The following ZNF512 variants were observed in gnomAD, a reference collection of about 807,000 sequenced individuals.
ZNF512 encodes zinc finger protein 512.
A neutral mutation model predicts 77.5 loss-of-function variants in ZNF512; 25 were observed. The observed-to-expected ratio is 0.32, with a 90% CI of 0.23 to 0.45. The LOEUF (loss-of-function observed/expected upper bound fraction) is 0.45, where lower values mean the gene tolerates loss of function less well. Ranked by LOEUF, ZNF512 falls within the 20% of genes least tolerant of loss-of-function variation. The pLI is 1.00. For synonymous variants in ZNF512, 246 were observed against 239.9 expected, an observed-to-expected ratio of 1.03 and a Z score of -0.24; for missense variants, 483 against 692.6, an observed-to-expected ratio of 0.70 and a Z score of 3.40.
intron 9 of ZNF512, among the ~76,000 whole-genome samples, chr2:27,603,590 A>ATTT (rs757868678): frequency 2.9e-4 from 25 of 85,650 alleles, no homozygotes; most frequent in African/African-American, 9.6e-4. Context: ...GTGTGTGTAT[A>ATTT]TTTTTTTTTT....
intron 2 of ZNF512, among the ~76,000 whole-genome samples, chr2:27,592,694 T>G (rs1403673777): frequency 0.013 from 1,397 of 110,378 alleles, 36 homozygotes; most frequent in African/African-American, 0.044. Context: ...TTTTTTTTTT[T>G]TTTGTTTGAG....
rs202151646 is a variant in ZNF512 at position 27,610,377 on chromosome 2, AT to A, written c.1131+2339del. ...AGACTCCGTATCAAAAAAAAAAAAAATAAATAAATAAATATTTGTTAACTCA... is the reference window on the plus strand; with the variant it reads ...AGACTCCGTATCAAAAAAAAAAAAAAAAATAAATAAATATTTGTTAACTCA... On this transcript the variant is annotated intron_variant, in intron 10 of 13. Transcript: ENST00000355467. Among the ~76,000 whole-genome samples, 165 of 137,402 alleles carry A rather than the reference AT, an allele frequency of 1.2e-3. 3 individuals are homozygous for A. In the South Asian group the frequency reaches 0.013, roughly 11 times the overall value. 90.1% of individuals were successfully genotyped at this position (137,402 alleles called of 152,430 possible).
chr2:27,600,489 G>A (rs541797710), intron 5 of ZNF512, among the ~76,000 whole-genome samples: 5 of 152,266 alleles, frequency 3.3e-5, no homozygotes, highest in South Asian at 2.1e-4. Flanking sequence ...TTATCATGGC[G>A]AAATGAGTAG....
intron 2 of ZNF512, among the ~76,000 whole-genome samples, chr2:27,589,548 C>G (rs1671482371): frequency 6.6e-6 from 1 of 152,026 alleles, no homozygotes; most frequent in Admixed American, 6.6e-5. Flanking sequence ...AACCACATTT[C>G]CCCTATTGTC....
At chr2:27,610,569 T>TATATACATA (rs70953871) in intron 10 of ZNF512, among the ~76,000 whole-genome samples, 8 of 15,812 alleles carry the variant, frequency 5.1e-4, no homozygotes, top group African/African-American at 2.1e-3. Flanking sequence ...TATATATATA[T>TATATACATA]TTTTTTTTTT....
chr2:27,603,573 A>AGTGTGTGTGTGTGTGT lies in ZNF512; in HGVS notation c.936+280_936+281insGTGTGTGTGTGTGTGT, dbSNP rs11273312. 9.1e-3 allele frequency among the ~76,000 whole-genome samples: 1,209 copies of AGTGTGTGTGTGTGTGT among 133,140 alleles called. 39 individuals carry two copies. The highest frequency in any genetic ancestry group is 0.035 in the African/African-American group (1,131 of 32,386). 87.3% of individuals were successfully genotyped at this position (133,140 alleles called of 152,430 possible). A position where few individuals can be genotyped will look rare whatever the true frequency, so the allele number is the denominator to read the frequency against. ...TTTTATATCTTATATATTTTTATAT[A>AGTGTGTGTGTGTGTGT]GTGTGTGTGTGTGTATATTTTTTTT... On this transcript the variant is annotated intron_variant, in intron 9 of 13. Coordinates refer to ENST00000355467, the MANE Select transcript of ZNF512 (RefSeq NM_032434.4).
At chr2:27,609,108 C>T (rs62138970) in intron 10 of ZNF512, among the ~76,000 whole-genome samples, 1 of 144,274 alleles carries the variant, frequency 6.9e-6, no homozygotes, top group African/African-American at 2.6e-5. Flanking sequence ...GACTCTGTCT[C>T]CAAAAAAAAA....
intron 2 of ZNF512, among the ~76,000 whole-genome samples, chr2:27,593,060 T>C (rs1214305923): frequency 6.6e-6 from 1 of 151,670 alleles, no homozygotes; most frequent in East Asian, 1.9e-4. Flanking sequence ...GGCTGAATAG[T>C]TTCGTTAAGA....
Position 27,621,245 on chromosome 2 carries a change from G to A in ZNF512, c.1488G>A (p.Gln496=), listed in dbSNP as rs1242108167. 1 of 1,614,218 alleles carries A rather than the reference G, an allele frequency of 6.2e-7. No homozygotes were observed. Among genetic ancestry groups the A allele is most frequent in the Admixed American group, 1.7e-5 (1 of 60,032 alleles). The part of the protein sequence containing the change: ...QRQQEEEKRR[Q]QHRSRRSLRR... ...AGCAAGAAGAAGAAAAGCGGAGGCA[G>A]CAGCACAGGAGCAGAAGGTCTCTAA... The change falls in exon 14 of 14, where the codon CAG becomes CAA. Residue 496 remains glutamine (Q), a synonymous_variant. Coordinates refer to ENST00000355467, the MANE Select transcript of ZNF512 (RefSeq NM_032434.4).
intron 10 of ZNF512, 147 bp from the exon 11 acceptor site, chr2:27,615,021 T>G: frequency 1.9e-6 from 1 of 512,838 alleles, no homozygotes; most frequent in Non-Finnish European, 3.4e-6. Context: ...TTCAGGTACT[T>G]TATAGGGTCT....
Position 27,607,891 on chromosome 2 carries a change from T to C in ZNF512, c.983T>C (p.Met328Thr), listed in dbSNP as rs751234506. ...ESGQPECLKEMNLESKSGGRV... is the reference protein window; with the variant it reads ...ESGQPECLKETNLESKSGGRV... ...GGACAGCCAGAGTGCTTAAAGGAGA[T>C]GAACCTAGAGTCAAAGAGTGGGGGC... Residue 328 changes from methionine to threonine, a missense_variant, in exon 10 of 14, where the codon ATG (methionine) becomes ACG (threonine). Coordinates refer to ENST00000355467, the MANE Select transcript of ZNF512 (RefSeq NM_032434.4). 47 of 1,614,030 alleles carry C rather than the reference T, an allele frequency of 2.9e-5. No individual in the cohort carries two copies. Among genetic ancestry groups the C allele is most frequent in the South Asian group, 2.5e-4 (23 of 91,088 alleles).
Position 27,621,267 on chromosome 2 carries a change from C to G in ZNF512, c.1510C>G (p.Leu504Val). 6.2e-7 allele frequency: 1 copy of G among 1,614,172 alleles called. No homozygotes were observed. The highest frequency in any genetic ancestry group is 8.5e-7 in the Non-Finnish European group (1 of 1,180,032). Residue 504 changes from leucine (L) to valine (V), a missense_variant, in exon 14 of 14, where the codon CTA (leucine) becomes GTA (valine). Physicochemically the swap from Leu to Val is conservative, Grantham distance 32 (BLOSUM62 1). This residue lies in a region of ZNF512 where 324 missense variants were observed against 525.0 expected (regional missense o/e 0.62). Transcript: ENST00000355467. ...GCAGCAGCACAGGAGCAGAAGGTCT[C>G]TAAGAAGGCGGCAGCAGCCTGGCAT... ...RRQQHRSRRSLRRRQQPGIEL... is the reference protein window; with the variant it reads ...RRQQHRSRRSVRRRQQPGIEL...
chr2:27,597,099 C>G (rs1327055297), intron 2 of ZNF512, among the ~76,000 whole-genome samples: 1 of 152,196 alleles, frequency 6.6e-6, no homozygotes, highest in Non-Finnish European at 1.5e-5. Flanking sequence ...TAGTAGGCAT[C>G]TATCACATTT....
intron 2 of ZNF512, among the ~76,000 whole-genome samples, chr2:27,583,968 C>A (rs1010072502): frequency 7.9e-5 from 12 of 152,158 alleles, no homozygotes; most frequent in African/African-American, 2.7e-4. Context: ...AGTGGAACTT[C>A]TTGTGACGAA....
chr2:27,597,521 T>C (rs1671926628), intron 2 of ZNF512, among the ~76,000 whole-genome samples: 1 of 152,234 alleles, frequency 6.6e-6, no homozygotes, highest in Admixed American at 6.5e-5. Context: ...CTGGCCAGGT[T>C]AATTCATGCA....
Position 27,598,264 on chromosome 2 carries a change from T to C in ZNF512, c.277+10T>C, listed in dbSNP as rs761010722. 6.2e-7 allele frequency: 1 copy of C among 1,608,480 alleles called. No homozygotes were observed. The highest frequency in any genetic ancestry group is 1.1e-5 in the South Asian group (1 of 91,044). ...ACTTCTCATGTCGAAGGTATCAATA[T>C]CAGTGTCTTATTCTGAAGACGGGCC... On this transcript the variant is annotated intron_variant, in intron 3 of 13. Coordinates refer to ENST00000355467, the MANE Select transcript of ZNF512 (RefSeq NM_032434.4).
At position 27,596,456 on chromosome 2, in the gene ZNF512, G is replaced by A. The variant is rs7561459; in HGVS notation, c.90-1611G>A. Among the ~76,000 whole-genome samples, 1,490 of 152,132 alleles carry A rather than the reference G, an allele frequency of 9.8e-3. 26 individuals are homozygous for A. Among genetic ancestry groups the A allele is most frequent in the African/African-American group, 0.033 (1,375 of 41,492 alleles). On this transcript the variant is annotated intron_variant, in intron 2 of 13. Transcript: ENST00000355467. ...CCAGTCCCCCAACTCTGGTCCACAG[G>A]GACCTTTTTTCCTGATTTACCTGGT...
intron 5 of ZNF512, 39 bp downstream of exon 5, chr2:27,600,092 C>T: frequency 6.3e-7 from 1 of 1,596,364 alleles, no homozygotes; most frequent in Non-Finnish European, 8.6e-7. Context: ...ATGTAGTTCT[C>T]ACACTCTGAT....
intron 2 of ZNF512, among the ~76,000 whole-genome samples, chr2:27,593,391 C>CAA (rs572251742): frequency 0.014 from 1,054 of 76,728 alleles, 6 homozygotes; most frequent in Non-Finnish European, 0.025. Flanking sequence ...GACCTTGTCT[C>CAA]AAAAAAAAAA....
Sources: gnomAD v4.1 joint callset for allele counts (sites outside exome capture counted in the v4.1 genomes callset) on GRCh38, gnomAD v4.1.1 for gene constraint, gnomAD v4.1.1 regional missense constraint, MANE v1.5 for transcripts, NCBI Gene and HGNC (gene_info 2026-07-23, HGNC 2026-07-21) for gene names.